The following NIBAN3 variants were observed in gnomAD, a reference collection of about 807,000 sequenced individuals.
The protein encoded by NIBAN3 is protein Niban 3.
In NIBAN3, 66 loss-of-function variants were observed where a neutral mutation model predicts 76.4. That is an observed-to-expected ratio of 0.86 (90% CI 0.71 to 1.06). The LOEUF (loss-of-function observed/expected upper bound fraction) is 1.06, where lower values mean the gene tolerates loss of function less well. NIBAN3 is among the 50% of genes least tolerant of loss of function. The pLI, the probability that NIBAN3 is intolerant of heterozygous loss-of-function variation, is 0.00. For missense variants in NIBAN3, 808 were observed against 810.7 expected (o/e 1.00, Z 0.04); for synonymous variants, 360 against 355.2 (o/e 1.01, Z -0.15).
At chr19:17,549,577 G>A (rs757594454) in intron 14 of NIBAN3, 50 bp downstream of exon 14, 4 of 1,410,598 alleles carry the variant, frequency 2.8e-6, no homozygotes, top group Non-Finnish European at 4.0e-6. Context: ...GCTGGGGGTG[G>A]GGAGGTGGAG....
chr19:17,539,560 G>C, intron 7 of NIBAN3, 43 bp from the exon 8 acceptor site: 1 of 1,482,864 alleles, frequency 6.7e-7, no homozygotes, highest in South Asian at 1.3e-5. Flanking sequence ...CCCCATCCCC[G>C]CCCCGTGTCT....
At chr19:17,546,628 G>T in intron 12 of NIBAN3, 58 bp from the exon 13 acceptor site, 2 of 1,445,692 alleles carry the variant, frequency 1.4e-6, no homozygotes, top group African/African-American at 2.9e-5. Flanking sequence ...AGCCTGTGTT[G>T]TAGGCCTCTA....
chr19:17,523,595 C>A, upstream of NIBAN3: 2 of 665,154 alleles, frequency 3.0e-6, no homozygotes, highest in South Asian at 1.9e-5. Context: ...AGGGACCCCA[C>A]ATGGATGGTT....
chr19:17,530,438 C>T (rs1042808236), intron 1 of NIBAN3, among the ~76,000 whole-genome samples: 1 of 140,824 alleles, frequency 7.1e-6, no homozygotes, highest in Non-Finnish European at 1.5e-5. Flanking sequence ...GAGGCTGAGG[C>T]GGGAGAATTG....
chr19:17,549,824 C>CT, intron 14 of NIBAN3: 3 of 20,498 alleles, frequency 1.5e-4, no homozygotes, highest in Admixed American at 1.4e-3. Flanking sequence ...CTCTCTCTCT[C>CT]TCTTTTTTTT....
In NIBAN3 at chr19:17,533,669, G is replaced by A. The variant is rs370043401; in HGVS notation, c.395G>A (p.Arg132His). 34 of 1,613,978 alleles carry A rather than the reference G, an allele frequency of 2.1e-5. No homozygotes were observed. Among genetic ancestry groups the A allele is most frequent in the African/African-American group, 9.3e-5 (7 of 75,012 alleles). Residue 132 changes from arginine to histidine, a missense_variant, in exon 4 of 15, where the codon CGC (arginine) becomes CAC (histidine). By Grantham distance (29) the Arg-to-His change is conservative. Transcript: ENST00000599164. ...CTGACTTCCCAGCGAGAATATCTCC[G>A]CCTTTTGGATGCTCTCTGCCCTGAA... ...TLLTSQREYL[R>H]LLDALCPESL...
chr19:17,537,593 A>T (rs1331228064), intron 5 of NIBAN3, 50 bp downstream of exon 5: 1 of 1,498,954 alleles, frequency 6.7e-7, no homozygotes, highest in East Asian at 2.3e-5. Flanking sequence ...GTCTGGGGTC[A>T]GATGGCTCAG....
At chr19:17,546,492 G>A (rs1439115214) in intron 12 of NIBAN3, 194 bp from the exon 13 acceptor site, 18 of 1,077,456 alleles carry the variant, frequency 1.7e-5, no homozygotes, top group Admixed American at 4.7e-5. Flanking sequence ...TGGGATTACA[G>A]GCATGAGCCA....
At chr19:17,530,038 G>A (rs968651390) in intron 1 of NIBAN3, among the ~76,000 whole-genome samples, 2 of 149,048 alleles carry the variant, frequency 1.3e-5, no homozygotes, top group African/African-American at 5.0e-5. Flanking sequence ...TCCAGCCTGG[G>A]GGACAGACAC....
At chr19:17,532,439 C>T (rs2075747238) in intron 3 of NIBAN3, 51 bp downstream of exon 3, 1 of 1,613,590 alleles carries the variant, frequency 6.2e-7, no homozygotes. Context: ...CCTTCCCACC[C>T]CCGTCAGCCT....
In NIBAN3 at chr19:17,539,184, C is replaced by T. The variant is rs760946989; in HGVS notation, c.630C>T (p.Ala210=). The change falls in exon 6 of 15, where the codon GCC becomes GCT. Residue 210 remains alanine (A), a synonymous_variant. Transcript: ENST00000599164. The part of the protein sequence containing the change: ...LQRSQAPAAR[A]FLDAVRLYRQ... Reference sequence around the variant, plus strand: ...GAAGCCAGGCCCCTGCTGCCCGGGCCTTCCTGGACGCCGTCCGACTCTACC... The same window carrying T: ...GAAGCCAGGCCCCTGCTGCCCGGGCTTTCCTGGACGCCGTCCGACTCTACC... The T allele has an allele frequency of 2.5e-6, 4 of 1,604,500 alleles. No homozygotes were observed. The highest frequency in any genetic ancestry group is 1.7e-6 in the Non-Finnish European group (2 of 1,176,132).
intron 10 of NIBAN3, 101 bp from the exon 11 acceptor site, chr19:17,543,216 T>C: frequency 5.5e-6 from 4 of 733,394 alleles, no homozygotes; most frequent in Non-Finnish European, 9.2e-6. Flanking sequence ...AGGTGGCTGG[T>C]TGGAACAGGT....
At chr19:17,533,352 G>A in intron 3 of NIBAN3, 1 of 417,242 alleles carries the variant, frequency 2.4e-6, no homozygotes. Context: ...GGAGGTTGCG[G>A]TGAGCTGAGA....
chr19:17,546,905 T>A, intron 13 of NIBAN3, 108 bp downstream of exon 13: 1 of 1,408,954 alleles, frequency 7.1e-7, no homozygotes, highest in South Asian at 1.3e-5. Context: ...TACTTGCCAT[T>A]TGACCTTAAG....
At chr19:17,539,870 G>C (rs1349526079) in intron 8 of NIBAN3, 105 bp downstream of exon 8, 8 of 928,902 alleles carry the variant, frequency 8.6e-6, no homozygotes, top group Non-Finnish European at 1.2e-5. Flanking sequence ...TAAAATGGGG[G>C]CGTGGTCAGA....
rs1285015225 is a variant in NIBAN3, at chr19:17,541,139, C to G, written c.1170+557C>G. On this transcript the variant is annotated intron_variant, in intron 9 of 14. Coordinates refer to ENST00000599164, the MANE Select transcript of NIBAN3 (RefSeq NM_001321827.2). ...CCCCCAAACTCCTCCTCCCATTCCC[C>G]TGTAGGGCAACAACCCAGAGAATTC... is the stretch of plus-strand genomic sequence containing the variant. Among the ~76,000 whole-genome samples the G allele has an allele frequency of 2.0e-5, 3 of 152,136 alleles. No individual in the cohort carries two copies. The East Asian group carries it at 5.8e-4, about 29-fold the overall frequency.
chr19:17,525,871 G>A (rs1328102711), upstream of NIBAN3, among the ~76,000 whole-genome samples: 1 of 151,806 alleles, frequency 6.6e-6, no homozygotes, highest in East Asian at 1.9e-4. Flanking sequence ...AGGCTGAGGC[G>A]AGAGGATCAC....
At chr19:17,546,025 C>T (rs914689728) in intron 12 of NIBAN3, 21 of 420,870 alleles carry the variant, frequency 5.0e-5, no homozygotes, top group African/African-American at 2.2e-4. Flanking sequence ...TCTTCCCAGA[C>T]GCTGGCGTCA....
chr19:17,545,825 C>T lies in NIBAN3; in HGVS notation c.1555-861C>T, dbSNP rs528017780. ...ACTGAAGCACAGCATCACAGGGAGA[C>T]GGTTAGGTCTCTGGATAACTGTGGG... On this transcript the variant is annotated intron_variant, in intron 12 of 14. Coordinates refer to ENST00000599164, the MANE Select transcript of NIBAN3 (RefSeq NM_001321827.2). The T allele has an allele frequency of 1.2e-3, 332 of 279,850 alleles. 1 individual carries two copies. Among genetic ancestry groups the T allele is most frequent in the African/African-American group, 5.1e-3 (230 of 45,436 alleles). 17.3% of individuals were successfully genotyped at this position (279,850 alleles called of 1,614,324 possible).
Sources: gnomAD v4.1 joint callset for allele counts (sites outside exome capture counted in the v4.1 genomes callset) on GRCh38, gnomAD v4.1.1 for gene constraint, MANE v1.5 for transcripts, NCBI Gene and HGNC (gene_info 2026-07-23, HGNC 2026-07-21) for gene names.